The following ARMH1 variants were observed in gnomAD, a reference collection of about 807,000 sequenced individuals.
ARMH1 encodes armadillo like helical domain containing 1, also known as armadillo-like helical domain containing protein 1.
In ARMH1, 34 loss-of-function variants were observed where a neutral mutation model predicts 50.2. The ratio of observed to expected loss-of-function variants is 0.68; its 90% CI spans 0.51 to 0.90. The LOEUF (loss-of-function observed/expected upper bound fraction) is 0.90. ARMH1 is among the 40% of genes least tolerant of loss of function. The probability of loss-of-function intolerance (pLI) is 0.00; values close to 1 mark genes in which losing one functional copy is unlikely to be tolerated. For synonymous variants in ARMH1, 221 were observed against 224.2 expected (o/e 0.99, Z 0.13); for missense variants, 538 against 553.9 (o/e 0.97, Z 0.29).
intron 6 of ARMH1, among the ~76,000 whole-genome samples, chr1:44,718,206 A>G (rs556537279): frequency 6.6e-6 from 1 of 152,328 alleles, no homozygotes; most frequent in African/African-American, 2.4e-5. Flanking sequence ...GTCTTGCTGC[A>G]GGAAGAGCTC....
chr1:44,697,030 A>C, intron 2 of ARMH1, 72 bp from the exon 3 acceptor site: 2 of 1,173,724 alleles, frequency 1.7e-6, no homozygotes, highest in Non-Finnish European at 2.5e-6. Context: ...GGGTGGTACC[A>C]GAGATCAGGC....
At chr1:44,690,998 G>C (rs1423437931) in intron 2 of ARMH1, among the ~76,000 whole-genome samples, 1 of 151,776 alleles carries the variant, frequency 6.6e-6, no homozygotes, top group Admixed American at 6.6e-5. Context: ...GGTGACTCAC[G>C]CCTGTAATCC....
At chr1:44,679,384 A>G (rs1288850021) in intron 1 of ARMH1, among the ~76,000 whole-genome samples, 1 of 152,224 alleles carries the variant, frequency 6.6e-6, no homozygotes, top group Non-Finnish European at 1.5e-5. Context: ...TTCTTTTCCA[A>G]AAGCCATTTT....
chr1:44,681,769 T>A lies in ARMH1; in HGVS notation c.-23+6896T>A, dbSNP rs1255800489. Among the ~76,000 whole-genome samples, 1 of 152,132 alleles carries A rather than the reference T, an allele frequency of 6.6e-6. No homozygotes were observed. The highest frequency in any genetic ancestry group is 2.4e-5 in the African/African-American group (1 of 41,414). The stretch of plus-strand genomic sequence containing the variant: ...CAAAAGTAGGCCTTCTGAGAATAGA[T>A]GGAAGAGGTGGGAAGGTAAGGAGCT... On this transcript the variant is annotated intron_variant, in intron 1 of 11. Transcript: ENST00000535358. This position sits in a 1 kb window ranked among gnomAD's most constrained non-coding sequence, Gnocchi z 4.3.
chr1:44,724,515 C>T lies in ARMH1; in HGVS notation c.921-24C>T. On this transcript the variant is annotated intron_variant, in intron 8 of 11. Coordinates refer to ENST00000535358, the MANE Select transcript of ARMH1 (RefSeq NM_001145636.2). This position sits in a 1 kb window ranked among gnomAD's most constrained non-coding sequence, Gnocchi z 6.4. ...GCGCCGGGTGAGCCCCAGGGCGTCGCCCCAGCCCGAACCCCCGGCCCAGGG... is the reference window on the plus strand; with the variant it reads ...GCGCCGGGTGAGCCCCAGGGCGTCGTCCCAGCCCGAACCCCCGGCCCAGGG... The T allele has an allele frequency of 6.6e-7, 1 of 1,505,458 alleles. No homozygotes were observed. The allele number at this position is 1,505,458 out of a possible 1,614,324, so 93.3% of individuals were successfully genotyped here. A position where few individuals can be genotyped will look rare whatever the true frequency, so the allele number is the denominator to read the frequency against.
At position 44,681,600 on chromosome 1, in the gene ARMH1, C is replaced by T. The variant is rs1246808499; in HGVS notation, c.-23+6727C>T. On this transcript the variant is annotated intron_variant, in intron 1 of 11. Transcript: ENST00000535358. This position sits in a 1 kb window ranked among gnomAD's most constrained non-coding sequence, Gnocchi z 4.3. ...AGGAGTAATGAGTAGAATGAGGGCC[C>T]TGAGAAGGCGGGGTGGATGGAGGCA... Among the ~76,000 whole-genome samples the T allele has an allele frequency of 1.3e-5, 2 of 152,012 alleles. No individual in the cohort carries two copies. The highest frequency in any genetic ancestry group is 4.8e-5 in the African/African-American group (2 of 41,384).
chr1:44,721,484 TAC>T (rs1647123925), intron 6 of ARMH1, among the ~76,000 whole-genome samples: 1 of 151,946 alleles, frequency 6.6e-6, no homozygotes. Context: ...AATTATTAGA[TAC>T]AGACTGTCAA....
chr1:44,690,331 A>G (rs1037637279), intron 2 of ARMH1, among the ~76,000 whole-genome samples: 3 of 151,618 alleles, frequency 2.0e-5, no homozygotes, highest in African/African-American at 4.9e-5. Context: ...TGGTGTTTAA[A>G]AAAAAGTGAT....
At chr1:44,722,342 C>T (rs557575512) in intron 6 of ARMH1, among the ~76,000 whole-genome samples, 1 of 152,000 alleles carries the variant, frequency 6.6e-6, no homozygotes, top group African/African-American at 2.4e-5. Context: ...TCGCTTGAGC[C>T]CAGGAGTTCA....
At chr1:44,722,509 C>T (rs575862970) in intron 6 of ARMH1, among the ~76,000 whole-genome samples, 2 of 149,802 alleles carry the variant, frequency 1.3e-5, no homozygotes, top group African/African-American at 4.9e-5. Context: ...CTTTGGGAGG[C>T]CTGAGCACTT....
At chr1:44,687,115 A>G (rs1645498321) in intron 1 of ARMH1, among the ~76,000 whole-genome samples, 1 of 152,216 alleles carries the variant, frequency 6.6e-6, no homozygotes, top group African/African-American at 2.4e-5. Context: ...ACAGAAATTC[A>G]TCATCTCACA....
intron 3 of ARMH1, 50 bp downstream of exon 3, chr1:44,697,220 T>C (rs1392593956): frequency 1.4e-6 from 2 of 1,426,550 alleles, no homozygotes; most frequent in Non-Finnish European, 1.9e-6. Flanking sequence ...CATCTCAGGC[T>C]CATGATGTCT....
chr1:44,707,865 TG>T (rs1203631997), intron 6 of ARMH1, among the ~76,000 whole-genome samples: 1 of 152,214 alleles, frequency 6.6e-6, no homozygotes, highest in East Asian at 1.9e-4. Flanking sequence ...CGTGACTCTG[TG>T]ACTGCATTTG....
intron 6 of ARMH1, among the ~76,000 whole-genome samples, chr1:44,715,484 T>C (rs923966080): frequency 6.6e-6 from 1 of 152,222 alleles, no homozygotes; most frequent in Non-Finnish European, 1.5e-5. Context: ...AAAGTTCCTC[T>C]TCGGATTGGA....
chr1:44,675,757 CGAGACCA>C (rs1051269865), intron 1 of ARMH1, among the ~76,000 whole-genome samples: 23 of 151,802 alleles, frequency 1.5e-4, no homozygotes, highest in African/African-American at 5.6e-4. Flanking sequence ...GTCAGGAGTT[CGAGACCA>C]GCCTGGCCAA....
chr1:44,713,471 G>T (rs535865353), intron 6 of ARMH1, among the ~76,000 whole-genome samples: 21 of 152,196 alleles, frequency 1.4e-4, no homozygotes, highest in Non-Finnish European at 2.1e-4. Flanking sequence ...CACCTGTCCT[G>T]TACAGCTTCA....
chr1:44,714,902 G>T (rs1010382215), intron 6 of ARMH1, among the ~76,000 whole-genome samples: 7 of 151,674 alleles, frequency 4.6e-5, no homozygotes, highest in Non-Finnish European at 8.8e-5. Context: ...TTTTTGTTGG[G>T]GGGGAAACAG....
intron 6 of ARMH1, among the ~76,000 whole-genome samples, chr1:44,718,333 A>G (rs899741938): frequency 3.3e-5 from 5 of 152,242 alleles, no homozygotes; most frequent in African/African-American, 1.2e-4. Flanking sequence ...GCCAAGTGTC[A>G]TCAGATGCAT....
Position 44,700,966 on chromosome 1 carries a change from A to G in ARMH1, c.486A>G (p.Glu162=). ...IAEFLAKSKS[E]ETQEEVQVLL... ...AATTTTTGGCAAAGTCTAAGTCAGA[A>G]GAGACCCAGGAGGAAGTGCAGGTTC... The change falls in exon 5 of 12, where the codon GAA becomes GAG. Residue 162 remains glutamate, a synonymous_variant. Transcript: ENST00000535358. 6.4e-7 allele frequency: 1 copy of G among 1,551,652 alleles called. No homozygotes were observed.
Sources: gnomAD v4.1 joint callset for allele counts (sites outside exome capture counted in the v4.1 genomes callset) on GRCh38, gnomAD v4.1.1 for gene constraint, Gnocchi (gnomAD v3.1) non-coding constraint, MANE v1.5 for transcripts, NCBI Gene and HGNC (gene_info 2026-07-23, HGNC 2026-07-21) for gene names.